Variants in KCND2 observed in about 807,000 individuals in gnomAD.
KCND2 encodes the protein A-type voltage-gated potassium channel KCND2.
KCND2 carries 16 observed loss-of-function variants against 54.4 expected under a neutral mutation model. The ratio of observed to expected loss-of-function variants is 0.29; its 90% CI spans 0.20 to 0.45. The LOEUF (loss-of-function observed/expected upper bound fraction) is 0.45. KCND2 is among the 20% of genes least tolerant of loss of function. The pLI, the probability that KCND2 is intolerant of heterozygous loss-of-function variation, is 1.00. For missense variants in KCND2, 486 were observed against 824.2 expected (o/e 0.59, Z 5.02); for synonymous variants, 317 against 310.7 (o/e 1.02, Z -0.21).
chr7:120,465,348 T>A (rs976598425), intron 1 of KCND2, among the ~76,000 whole-genome samples: 1 of 151,582 alleles, frequency 6.6e-6, no homozygotes, highest in South Asian at 2.1e-4. Flanking sequence ...TATAGGATCA[T>A]AGAGAATAAG....
In KCND2 at chr7:120,470,292, A is replaced by G. The variant is rs1258576793; in HGVS notation, c.1115+194545A>G. On this transcript the variant is annotated intron_variant, in intron 1 of 5. Transcript: ENST00000331113. ...GAAAATTTAGTTCTAAATGTTAAAT[A>G]AATGAGTTGTACACCAATGAATGTT... Among the ~76,000 whole-genome samples, 6 of 152,132 alleles carry G rather than the reference A, an allele frequency of 3.9e-5. No individual in the cohort carries two copies. The South Asian group carries it at 6.2e-4, about 16-fold the overall frequency.
intron 1 of KCND2, among the ~76,000 whole-genome samples, chr7:120,446,847 A>G (rs1367692859): frequency 1.3e-5 from 2 of 152,306 alleles, no homozygotes; most frequent in Middle Eastern, 3.4e-3. Flanking sequence ...GATGGAATTG[A>G]CATAATTTCA....
At chr7:120,618,402 C>G (rs996521940) in intron 1 of KCND2, among the ~76,000 whole-genome samples, 2 of 152,122 alleles carry the variant, frequency 1.3e-5, no homozygotes, top group African/African-American at 4.8e-5. Flanking sequence ...ATGTATTTGT[C>G]TTCATCCTAA....
intron 1 of KCND2, among the ~76,000 whole-genome samples, chr7:120,348,467 A>G (rs927472556): frequency 6.6e-6 from 1 of 152,218 alleles, no homozygotes; most frequent in African/African-American, 2.4e-5. Flanking sequence ...GGGCACATGT[A>G]CCTTGACAAA....
intron 1 of KCND2, among the ~76,000 whole-genome samples, chr7:120,421,722 G>C (rs1286111724): frequency 6.6e-6 from 1 of 152,184 alleles, no homozygotes; most frequent in Non-Finnish European, 1.5e-5. Flanking sequence ...CTCACTTTTA[G>C]TTATGGCAAT....
chr7:120,634,891 T>A (rs1162492064), intron 1 of KCND2, among the ~76,000 whole-genome samples: 1 of 152,136 alleles, frequency 6.6e-6, no homozygotes, highest in Non-Finnish European at 1.5e-5. Flanking sequence ...AGCGTTGCTG[T>A]CTAGATGTCA....
chr7:120,402,949 T>C (rs55708859), intron 1 of KCND2, among the ~76,000 whole-genome samples: 15,786 of 152,214 alleles, frequency 0.1, 864 homozygotes, highest in Admixed American at 0.13. Context: ...ATAATGGGAC[T>C]GGTATGTAAT....
chr7:120,365,906 A>C (rs765746727), intron 1 of KCND2, among the ~76,000 whole-genome samples: 1 of 152,168 alleles, frequency 6.6e-6, no homozygotes, highest in Non-Finnish European at 1.5e-5. Context: ...AATTTACATA[A>C]GAATAAAATG....
chr7:120,615,556 G>A (rs1210332801), intron 1 of KCND2, among the ~76,000 whole-genome samples: 1 of 152,092 alleles, frequency 6.6e-6, no homozygotes, highest in African/African-American at 2.4e-5. Context: ...TCTTGTTCTG[G>A]CTTTCCTAGG....
At chr7:120,281,912 A>G (rs139221106) in intron 1 of KCND2, among the ~76,000 whole-genome samples, 186 of 152,280 alleles carry the variant, frequency 1.2e-3, no homozygotes, top group African/African-American at 4.1e-3. Flanking sequence ...TTATTTGAAC[A>G]TTTTGTCCTC....
chr7:120,462,691 A>G (rs1802300897), intron 1 of KCND2, among the ~76,000 whole-genome samples: 1 of 151,932 alleles, frequency 6.6e-6, no homozygotes, highest in Non-Finnish European at 1.5e-5. Flanking sequence ...CTTATCCTAT[A>G]TTGTGATAAT....
At position 120,370,224 on chromosome 7, in the gene KCND2, A is replaced by G. The variant is rs548498465; in HGVS notation, c.1115+94477A>G. Among the ~76,000 whole-genome samples, 5 of 152,092 alleles carry G rather than the reference A, an allele frequency of 3.3e-5. No homozygotes were observed. In the South Asian group the frequency reaches 1.0e-3, roughly 32 times the overall value. On this transcript the variant is annotated intron_variant, in intron 1 of 5. Transcript: ENST00000331113. ...TTTAAGGACAAACTGAGCAGGGAGAATAGCTCCCTGGAGTATAAAGTAAGC... is the reference window on the plus strand; with the variant it reads ...TTTAAGGACAAACTGAGCAGGGAGAGTAGCTCCCTGGAGTATAAAGTAAGC...
At chr7:120,640,224 G>A (rs1001412722) in intron 1 of KCND2, among the ~76,000 whole-genome samples, 1 of 151,964 alleles carries the variant, frequency 6.6e-6, no homozygotes, top group Non-Finnish European at 1.5e-5. Context: ...TGAAATGTTG[G>A]CACCACCACC....
chr7:120,376,908 A>G (rs2116014970), intron 1 of KCND2, among the ~76,000 whole-genome samples: 1 of 152,064 alleles, frequency 6.6e-6, no homozygotes, highest in Non-Finnish European at 1.5e-5. Flanking sequence ...GGAAGAATCT[A>G]TAGCCCAGGT....
At chr7:120,698,298 G>A (rs998961566) in intron 1 of KCND2, among the ~76,000 whole-genome samples, 4 of 152,130 alleles carry the variant, frequency 2.6e-5, no homozygotes, top group South Asian at 2.1e-4. Context: ...AGCATCTATA[G>A]CAAATTACTT....
chr7:120,679,858 AT>A (rs1275061016), intron 1 of KCND2, among the ~76,000 whole-genome samples: 2 of 152,096 alleles, frequency 1.3e-5, no homozygotes, highest in Non-Finnish European at 2.9e-5. Context: ...TAATTTATTC[AT>A]TTGCTCATTT....
intron 1 of KCND2, among the ~76,000 whole-genome samples, chr7:120,590,266 A>G (rs1264561090): frequency 4.0e-5 from 6 of 151,850 alleles, no homozygotes; most frequent in African/African-American, 9.7e-5. Flanking sequence ...ATATCTGCTC[A>G]CTCGGATTCC....
At chr7:120,292,195 T>C (rs770720841) in intron 1 of KCND2, among the ~76,000 whole-genome samples, 1 of 151,940 alleles carries the variant, frequency 6.6e-6, no homozygotes, top group Non-Finnish European at 1.5e-5. Context: ...TATTGAAATA[T>C]AGTAAATGAA....
At chr7:120,335,570 G>A (rs1048103613) in intron 1 of KCND2, among the ~76,000 whole-genome samples, 10 of 151,020 alleles carry the variant, frequency 6.6e-5, no homozygotes, top group South Asian at 2.1e-4. Flanking sequence ...CACTGCAAGC[G>A]CCACCTCCGG....
Sources: allele counts gnomAD v4.1 joint callset (sites outside exome capture counted in the v4.1 genomes callset), GRCh38; gene constraint gnomAD v4.1.1; transcripts MANE v1.5; gene names NCBI Gene and HGNC (gene_info 2026-07-23, HGNC 2026-07-21).